Variants in GRIK3 observed in about 807,000 individuals in gnomAD.
GRIK3 encodes the protein glutamate ionotropic receptor kainate type subunit 3.
GRIK3 carries 29 observed loss-of-function variants against 102.5 expected under a neutral mutation model. The ratio of observed to expected loss-of-function variants is 0.28; its 90% CI spans 0.21 to 0.39. The LOEUF is 0.39. Among genes scored for constraint, GRIK3 ranks in the 10% least tolerant of loss-of-function variants. The pLI, the probability that GRIK3 is intolerant of heterozygous loss-of-function variation, is 1.00. For missense variants in GRIK3, 908 were observed against 1,252.4 expected (o/e 0.73, Z 4.15); for synonymous variants, 511 against 504.9 (o/e 1.01, Z -0.16).
At chr1:36,955,359 G>A (rs1271624272) in intron 1 of GRIK3, among the ~76,000 whole-genome samples, 1 of 152,178 alleles carries the variant, frequency 6.6e-6, no homozygotes, top group Non-Finnish European at 1.5e-5. Context: ...TCCACACACC[G>A]AGCAGCGCAC....
In GRIK3 at chr1:37,034,309, TGGCTGCCGCCCACG is replaced by T. The variant is rs1289184697; in HGVS notation, c.-215_-202del. ...CCGCCCCGCCGGCGCCCGCCCCGCC[TGGCTGCCGCCCACG>T]GGCTGCCCGCGAGCGAGGCTCCTGG... On this transcript the variant is annotated 5_prime_UTR_variant, in exon 1 of 16. Transcript: ENST00000373091. Among the ~76,000 whole-genome samples, 1 of 149,358 alleles carries T rather than the reference TGGCTGCCGCCCACG, an allele frequency of 6.7e-6. No individual in the cohort carries two copies. The highest frequency in any genetic ancestry group is 1.5e-5 in the Non-Finnish European group (1 of 67,036).
chr1:36,983,754 C>A (rs1162237863), intron 1 of GRIK3, among the ~76,000 whole-genome samples: 1 of 152,128 alleles, frequency 6.6e-6, no homozygotes, highest in Non-Finnish European at 1.5e-5. Context: ...GTTATACGGT[C>A]TTGGAGTGCC....
intron 1 of GRIK3, among the ~76,000 whole-genome samples, chr1:36,900,338 C>T (rs901251061): frequency 4.6e-5 from 7 of 152,232 alleles, no homozygotes; most frequent in African/African-American, 1.7e-4. Context: ...TCCTCCTCCT[C>T]CTTGTTTTGC....
intron 1 of GRIK3, among the ~76,000 whole-genome samples, chr1:36,951,320 T>C (rs1333573054): frequency 6.6e-6 from 1 of 152,140 alleles, no homozygotes; most frequent in East Asian, 1.9e-4. Flanking sequence ...TCAAGGACAA[T>C]ACCAGCAAGG....
chr1:36,872,496 C>T lies in GRIK3; in HGVS notation c.551-127G>A, dbSNP rs1640853799. ...GTCTGCAGACATACACGGGCAGAAA[C>T]GTGGCCCACAGAGACTTGTGCACGT... On this transcript the variant is annotated intron_variant, in intron 3 of 15. Coordinates refer to ENST00000373091, the MANE Select transcript of GRIK3 (RefSeq NM_000831.4). The surrounding 1 kb of genome is among the most constrained non-coding windows in gnomAD (Gnocchi z 5.9). The T allele has an allele frequency of 4.3e-6, 3 of 696,066 alleles. No homozygotes were observed. Among genetic ancestry groups the T allele is most frequent in the Non-Finnish European group, 6.9e-6 (3 of 432,684 alleles). 43.1% of individuals were successfully genotyped at this position (696,066 alleles called of 1,614,324 possible).
rs1480631430 is a variant in GRIK3, at chr1:37,017,818, A to G, written c.115+16176T>C. On this transcript the variant is annotated intron_variant, in intron 1 of 15. Coordinates refer to ENST00000373091, the MANE Select transcript of GRIK3 (RefSeq NM_000831.4). ...ACGGTTGTCTAAGTTGTTTTTCAGG[A>G]ATTTAGAGTCTGCTCCTGTCCAGTT... Among the ~76,000 whole-genome samples, 10 of 152,208 alleles carry G rather than the reference A, an allele frequency of 6.6e-5. No individual in the cohort carries two copies. In the East Asian group the frequency reaches 1.5e-3, roughly 24 times the overall value.
chr1:36,926,582 G>T (rs1371129017), intron 1 of GRIK3, among the ~76,000 whole-genome samples: 1 of 152,042 alleles, frequency 6.6e-6, no homozygotes. Flanking sequence ...GTAGAGATGG[G>T]CTTTCACCGT....
At position 36,799,486 on chromosome 1, in the gene GRIK3, T is replaced by C. The variant is rs544045011; in HGVS notation, c.*2365A>G. ...GCTCCCCACTGTGCACACATGCCTGTACACATGTGTTCACATGCACTCAGA... is the reference window on the plus strand; with the variant it reads ...GCTCCCCACTGTGCACACATGCCTGCACACATGTGTTCACATGCACTCAGA... On this transcript the variant is annotated 3_prime_UTR_variant, in exon 16 of 16. Coordinates refer to ENST00000373091, the MANE Select transcript of GRIK3 (RefSeq NM_000831.4). 1 of 152,296 alleles carries C rather than the reference T, an allele frequency of 6.6e-6. No individual in the cohort carries two copies. The allele number at this position is 152,296 out of a possible 1,614,324, so 9.4% of individuals were successfully genotyped here.
intron 7 of GRIK3, among the ~76,000 whole-genome samples, chr1:36,854,665 G>A (rs1038262443): frequency 2.1e-4 from 32 of 152,168 alleles, no homozygotes; most frequent in Admixed American, 1.4e-3. Flanking sequence ...TTGCAGCAGA[G>A]ACTGTGTGGC....
chr1:36,986,624 T>C (rs1463547804), intron 1 of GRIK3, among the ~76,000 whole-genome samples: 1 of 152,076 alleles, frequency 6.6e-6, no homozygotes, highest in Non-Finnish European at 1.5e-5. Flanking sequence ...ATCAGAGAGA[T>C]ATGAAGGAAG....
intron 7 of GRIK3, among the ~76,000 whole-genome samples, chr1:36,856,814 A>G (rs1270762898): frequency 6.6e-6 from 1 of 152,198 alleles, no homozygotes; most frequent in Non-Finnish European, 1.5e-5. Flanking sequence ...GCTGAGCCTC[A>G]AAATTTCCAA....
At chr1:36,844,738 C>T (rs752202258) in intron 9 of GRIK3, among the ~76,000 whole-genome samples, 4 of 152,100 alleles carry the variant, frequency 2.6e-5, no homozygotes, top group Non-Finnish European at 4.4e-5. Context: ...CTGTTAGCTG[C>T]CAATATTATT....
At chr1:36,966,130 G>C in intron 1 of GRIK3, among the ~76,000 whole-genome samples, 1 of 152,234 alleles carries the variant, frequency 6.6e-6, no homozygotes, top group East Asian at 1.9e-4. Context: ...CCAGGAAAGG[G>C]TGCCAGCCAA....
intron 2 of GRIK3, among the ~76,000 whole-genome samples, chr1:36,888,312 T>C (rs1017606285): frequency 1.3e-5 from 2 of 152,152 alleles, no homozygotes; most frequent in Admixed American, 1.3e-4. Flanking sequence ...ATTTCATTTA[T>C]GTAAAGTTCA....
At chr1:36,813,733 C>T (rs1258075875) in intron 13 of GRIK3, among the ~76,000 whole-genome samples, 1 of 149,984 alleles carries the variant, frequency 6.7e-6, no homozygotes, top group African/African-American at 2.5e-5. Context: ...ATTGGTTCAT[C>T]CAGGGACCTT....
intron 1 of GRIK3, among the ~76,000 whole-genome samples, chr1:36,927,689 G>C (rs552553259): frequency 3.9e-4 from 60 of 152,236 alleles, no homozygotes; most frequent in African/African-American, 1.4e-3. Context: ...AGCCTCTGTC[G>C]GCCAATTCAT....
chr1:36,827,274 T>C (rs1012048511), intron 10 of GRIK3, among the ~76,000 whole-genome samples: 7 of 152,204 alleles, frequency 4.6e-5, no homozygotes, highest in African/African-American at 1.7e-4. Flanking sequence ...TCTGGAATAT[T>C]TGTTAATTAA....
intron 5 of GRIK3, among the ~76,000 whole-genome samples, chr1:36,867,322 A>G (rs1338534910): frequency 1.3e-5 from 2 of 152,096 alleles, no homozygotes; most frequent in African/African-American, 2.4e-5. Context: ...ATGTTTCTCA[A>G]TGGGGCACCA....
chr1:36,919,844 G>T lies in GRIK3; in HGVS notation c.116-28748C>A, dbSNP rs192130254. 1.1e-3 allele frequency among the ~76,000 whole-genome samples: 170 copies of T among 152,326 alleles called. 1 individual carries two copies. The highest frequency in any genetic ancestry group is 3.7e-3 in the African/African-American group (154 of 41,566). On this transcript the variant is annotated intron_variant, in intron 1 of 15. Transcript: ENST00000373091. Reference sequence around the variant, plus strand: ...GGCCCCTGGGCCCTACCCGTGGCGGGTGCATATCCTCATCTTCAGGAGAGA... The same window carrying T: ...GGCCCCTGGGCCCTACCCGTGGCGGTTGCATATCCTCATCTTCAGGAGAGA...
Sources: allele counts gnomAD v4.1 joint callset (sites outside exome capture counted in the v4.1 genomes callset), GRCh38; gene constraint gnomAD v4.1.1; non-coding constraint Gnocchi (gnomAD v3.1); transcripts MANE v1.5; gene names NCBI Gene and HGNC (gene_info 2026-07-23, HGNC 2026-07-21).